Variants in WWC1 observed in about 807,000 individuals in gnomAD.
The protein encoded by WWC1 is protein KIBRA.
Under a neutral mutation model 138.4 loss-of-function variants are expected in WWC1, and 55 were observed. The ratio of observed to expected loss-of-function variants is 0.40; its 90% CI spans 0.32 to 0.50. WWC1 has a LOEUF of 0.50. WWC1 is among the 20% of genes least tolerant of loss of function. The probability of loss-of-function intolerance (pLI) is 0.72; values close to 1 mark genes in which losing one functional copy is unlikely to be tolerated. For missense variants in WWC1, 1,226 were observed against 1,420.4 expected (o/e 0.86, Z 2.20); for synonymous variants, 524 against 564.9 (o/e 0.93, Z 1.03).
At chr5:168,409,829 C>A in intron 7 of WWC1, 93 bp from the exon 8 acceptor site, 1 of 1,322,718 alleles carries the variant, frequency 7.6e-7, no homozygotes, top group Non-Finnish European at 1.1e-6. Flanking sequence ...CTACTGCCCA[C>A]GCAAGCTGTC....
intron 2 of WWC1, among the ~76,000 whole-genome samples, chr5:168,376,516 T>A (rs1777179416): frequency 1.3e-5 from 2 of 152,244 alleles, no homozygotes; most frequent in Admixed American, 1.3e-4. Flanking sequence ...GATTTGATTC[T>A]ATACCTAGAC....
chr5:168,407,244 G>C (rs1779866231), intron 6 of WWC1, among the ~76,000 whole-genome samples: 1 of 152,180 alleles, frequency 6.6e-6, no homozygotes, highest in Non-Finnish European at 1.5e-5. Flanking sequence ...TATGTAATGT[G>C]CCAGGTGATT....
chr5:168,323,429 C>A (rs1429328776), intron 1 of WWC1, among the ~76,000 whole-genome samples: 3 of 151,978 alleles, frequency 2.0e-5, no homozygotes, highest in African/African-American at 7.3e-5. Context: ...TGCCCATAGT[C>A]CCAGTTATTT....
At chr5:168,464,341 T>C (rs1398965087) in intron 20 of WWC1, among the ~76,000 whole-genome samples, 1 of 152,184 alleles carries the variant, frequency 6.6e-6, no homozygotes, top group Admixed American at 6.5e-5. Flanking sequence ...CTGAGAGTAC[T>C]GAAGCTGGCA....
At chr5:168,410,136 T>C in intron 8 of WWC1, 141 bp downstream of exon 8, 1 of 836,380 alleles carries the variant, frequency 1.2e-6, no homozygotes. Context: ...TTATACTTTT[T>C]ATATTTTCAT....
rs187441152 is a variant in WWC1, at chr5:168,338,515, G to A, written c.120-32909G>A. 3.2e-3 allele frequency among the ~76,000 whole-genome samples: 476 copies of A among 150,952 alleles called. 19 individuals are homozygous for A. In the East Asian group the frequency reaches 0.083, roughly 26 times the overall value. On this transcript the variant is annotated intron_variant, in intron 1 of 22. Transcript: ENST00000265293. ...CAACCTCCGCCTCCCGGGTTCAAGCGGTTCTCCTGCCTCAGCCTTCCGAGT... is the reference window on the plus strand; with the variant it reads ...CAACCTCCGCCTCCCGGGTTCAAGCAGTTCTCCTGCCTCAGCCTTCCGAGT...
intron 1 of WWC1, among the ~76,000 whole-genome samples, chr5:168,300,663 C>T (rs924076670): frequency 6.6e-6 from 1 of 151,714 alleles, no homozygotes; most frequent in Admixed American, 6.6e-5. Context: ...CCATTCATCA[C>T]TCTCTGGCAG....
At position 168,423,813 on chromosome 5, in the gene WWC1, CA is replaced by C; in HGVS notation, c.1556del (p.Gln519ArgfsTer13). ...TQKAEGGGRL[Q>X]ALRSLSGTPK... Reference sequence around the variant, plus strand: ...GAAGGCAGAGGGAGGTGGCCGCCTGCAGGCTCTGCGTTCCCTGTCTGGCACC... The same window carrying C: ...GAAGGCAGAGGGAGGTGGCCGCCTGCGGCTCTGCGTTCCCTGTCTGGCACC... On this transcript the variant is annotated frameshift_variant, in exon 11 of 23. Transcript: ENST00000265293. LOFTEE classifies it high-confidence loss of function. The C allele has an allele frequency of 6.2e-7, 1 of 1,614,172 alleles. No homozygotes were observed. The highest frequency in any genetic ancestry group is 8.5e-7 in the Non-Finnish European group (1 of 1,180,028).
Position 168,464,797 on chromosome 5 carries a change from G to C in WWC1, c.2985G>C (p.Leu995=), listed in dbSNP as rs774235107. 6.2e-7 allele frequency: 1 copy of C among 1,614,172 alleles called. No individual in the cohort carries two copies. The highest frequency in any genetic ancestry group is 1.1e-5 in the South Asian group (1 of 91,078). The change falls in exon 21 of 23, where the codon CTG becomes CTC. Residue 995 remains leucine (L), a synonymous_variant. Coordinates refer to ENST00000265293, the MANE Select transcript of WWC1 (RefSeq NM_015238.3). The part of the protein sequence containing the change: ...IRTSLDLELD[L]QATRTWHSQL... The stretch of plus-strand genomic sequence containing the variant: ...CCTCGCTGGACCTGGAGTTAGACCT[G>C]CAGGCGACAAGAACCTGGCACAGCC...
intron 1 of WWC1, among the ~76,000 whole-genome samples, chr5:168,299,126 GTGTT>G (rs1769829260): frequency 6.6e-6 from 1 of 152,184 alleles, no homozygotes; most frequent in Admixed American, 6.5e-5. Flanking sequence ...TCACCAACAG[GTGTT>G]GCATCCAGGA....
intron 1 of WWC1, among the ~76,000 whole-genome samples, chr5:168,369,833 G>C (rs1776598299): frequency 6.6e-6 from 1 of 151,488 alleles, no homozygotes; most frequent in East Asian, 1.9e-4. Context: ...GAGGGCAGGA[G>C]AGTGTAAGCC....
chr5:168,327,504 A>G (rs1015439800), intron 1 of WWC1, among the ~76,000 whole-genome samples: 4 of 152,206 alleles, frequency 2.6e-5, no homozygotes, highest in African/African-American at 9.6e-5. Flanking sequence ...TGGAAGATTG[A>G]GCTTCTACAG....
At chr5:168,370,769 G>T (rs1293825523) in intron 1 of WWC1, among the ~76,000 whole-genome samples, 1 of 152,216 alleles carries the variant, frequency 6.6e-6, no homozygotes, top group South Asian at 2.1e-4. Flanking sequence ...CTACCACTTT[G>T]ATCCCCACAA....
In WWC1 at chr5:168,404,819, C is replaced by T. The variant is rs2152836044; in HGVS notation, c.591-1379C>T. Reference sequence around the variant, plus strand: ...TGGACCTTTTTGACACCTCGGCCCTCCTTCTCCAGAAGCTCACCCCTGCCT... The same window carrying T: ...TGGACCTTTTTGACACCTCGGCCCTTCTTCTCCAGAAGCTCACCCCTGCCT... On this transcript the variant is annotated intron_variant, in intron 5 of 22. Coordinates refer to ENST00000265293, the MANE Select transcript of WWC1 (RefSeq NM_015238.3). Among the ~76,000 whole-genome samples, 3 of 151,978 alleles carry T rather than the reference C, an allele frequency of 2.0e-5. No homozygotes were observed. In the South Asian group the frequency reaches 6.3e-4, roughly 32 times the overall value.
intron 3 of WWC1, among the ~76,000 whole-genome samples, chr5:168,387,714 C>T (rs1778149977): frequency 6.6e-6 from 1 of 152,184 alleles, no homozygotes; most frequent in African/African-American, 2.4e-5. Context: ...AGCCTACCCT[C>T]AAGACCTCAT....
Position 168,385,027 on chromosome 5 carries a change from A to G in WWC1, c.230-184A>G, listed in dbSNP as rs113651515. ...GCCACCACACCCAACCCCCTGGCTT[A>G]TTATTTGTTTGACTACTCCAAATGG... is the stretch of plus-strand genomic sequence containing the variant. On this transcript the variant is annotated intron_variant, in intron 2 of 22. Coordinates refer to ENST00000265293, the MANE Select transcript of WWC1 (RefSeq NM_015238.3). 8.1e-4 allele frequency among the ~76,000 whole-genome samples: 124 copies of G among 152,202 alleles called. 2 individuals carry two copies. Among genetic ancestry groups the G allele is most frequent in the African/African-American group, 2.9e-3 (121 of 41,552 alleles).
chr5:168,464,361 G>A (rs972625884), intron 20 of WWC1, among the ~76,000 whole-genome samples: 1 of 152,194 alleles, frequency 6.6e-6, no homozygotes, highest in African/African-American at 2.4e-5. Flanking sequence ...ACAGTGTACA[G>A]AGAGGGCGGG....
In WWC1 at chr5:168,468,627, G is replaced by C. The variant is rs149243035; in HGVS notation, c.3276-324G>C. The stretch of plus-strand genomic sequence containing the variant: ...AAACAAACATTAGAAGTGGCCCAAG[G>C]GTCCTTTTAAACTGAGAAGCCTCTG... On this transcript the variant is annotated intron_variant, in intron 22 of 22. Transcript: ENST00000265293. Among the ~76,000 whole-genome samples the C allele has an allele frequency of 3.5e-3, 534 of 152,258 alleles. 5 individuals carry two copies. Among genetic ancestry groups the C allele is most frequent in the African/African-American group, 0.012 (517 of 41,550 alleles).
chr5:168,384,838 C>T (rs1315220743), intron 2 of WWC1, among the ~76,000 whole-genome samples: 1 of 151,444 alleles, frequency 6.6e-6, no homozygotes, highest in East Asian at 1.9e-4. Flanking sequence ...CTGCCTTAGC[C>T]TCCCAAGTAG....
Sources: allele counts gnomAD v4.1 joint callset (sites outside exome capture counted in the v4.1 genomes callset), GRCh38; gene constraint gnomAD v4.1.1; transcripts MANE v1.5; gene names NCBI Gene and HGNC (gene_info 2026-07-23, HGNC 2026-07-21).